The following RNF220 variants were observed in gnomAD, a reference collection of about 807,000 sequenced individuals.
RNF220 encodes ring finger protein 220, also known as E3 ubiquitin-protein ligase RNF220.
RNF220 carries 7 observed loss-of-function variants against 67.1 expected under a neutral mutation model. The ratio of observed to expected loss-of-function variants is 0.10; its 90% CI spans 0.06 to 0.20. RNF220 has a LOEUF of 0.20. RNF220 is among the 10% of genes least tolerant of loss of function. RNF220 has a pLI of 1.00. For missense variants in RNF220, 565 were observed against 740.3 expected (o/e 0.76, Z 2.75); for synonymous variants, 270 against 283.2 (o/e 0.95, Z 0.47).
At chr1:44,595,600 C>T (rs1666423855) in intron 2 of RNF220, among the ~76,000 whole-genome samples, 1 of 152,126 alleles carries the variant, frequency 6.6e-6, no homozygotes, top group Non-Finnish European at 1.5e-5. Flanking sequence ...CCCTGGCATT[C>T]TCTCCAGACT....
In RNF220 at chr1:44,645,121, A is replaced by G; in HGVS notation, c.1310+40A>G. 3 of 1,613,330 alleles carry G rather than the reference A, an allele frequency of 1.9e-6. No homozygotes were observed. Among genetic ancestry groups the G allele is most frequent in the Non-Finnish European group, 2.5e-6 (3 of 1,179,318 alleles). On this transcript the variant is annotated intron_variant, in intron 10 of 14. Coordinates refer to ENST00000361799, the MANE Select transcript of RNF220 (RefSeq NM_018150.4). This position sits in a 1 kb window ranked among gnomAD's most constrained non-coding sequence, Gnocchi z 5.0. ...AGGCTTGGGCGGGTGGAGCAGAGAA[A>G]CAGGAAGCCCTGAGGCAGGGGTTAA...
intron 2 of RNF220, among the ~76,000 whole-genome samples, chr1:44,517,150 G>A (rs911304409): frequency 4.6e-5 from 7 of 152,104 alleles, no homozygotes; most frequent in African/African-American, 1.7e-4. Flanking sequence ...CTCTGTCACT[G>A]CTGGAACTGT....
At chr1:44,437,521 A>G (rs1157729106) in intron 2 of RNF220, among the ~76,000 whole-genome samples, 1 of 152,136 alleles carries the variant, frequency 6.6e-6, no homozygotes, top group Non-Finnish European at 1.5e-5. Flanking sequence ...AGCTGTTAAT[A>G]TGAGTCTGTC....
intron 8 of RNF220, among the ~76,000 whole-genome samples, chr1:44,638,974 T>C (rs1040817593): frequency 2.0e-5 from 3 of 152,246 alleles, no homozygotes; most frequent in South Asian, 4.1e-4. Context: ...AGTTGTTGAT[T>C]GTCCTTTCAG....
Position 44,412,529 on chromosome 1 carries a change from C to A in RNF220, c.432C>A (p.Asn144Lys). ...TTACGCCGGCCAAGCGACTTAAGAA[C>A]TGCCATGACACAGAGTCTCCCCACT... ...SAFTPAKRLK[N>K]CHDTESPHLR... is the part of the protein sequence containing the mutation. The change falls in exon 2 of 15, where the codon AAC becomes AAA. Residue 144 changes from asparagine to lysine, a missense_variant. Asn to Lys is a moderately conservative substitution (Grantham distance 94). Transcript: ENST00000361799. The surrounding 1 kb of genome is among the most constrained non-coding windows in gnomAD (Gnocchi z 5.3). The A allele has an allele frequency of 6.2e-7, 1 of 1,614,122 alleles. No individual in the cohort carries two copies. Among genetic ancestry groups the A allele is most frequent in the South Asian group, 1.1e-5 (1 of 91,074 alleles).
chr1:44,616,290 A>G (rs1190064447), intron 3 of RNF220, among the ~76,000 whole-genome samples: 2 of 152,196 alleles, frequency 1.3e-5, no homozygotes, highest in African/African-American at 4.8e-5. Flanking sequence ...AGCTCTACCC[A>G]TTGAAGGGAG....
intron 2 of RNF220, among the ~76,000 whole-genome samples, chr1:44,476,375 G>A (rs1655299034): frequency 6.6e-6 from 1 of 152,160 alleles, no homozygotes; most frequent in Non-Finnish European, 1.5e-5. Flanking sequence ...CTTGAAGAAG[G>A]AAAAGAAAAT....
intron 2 of RNF220, among the ~76,000 whole-genome samples, chr1:44,578,936 C>T (rs561037954): frequency 1.3e-3 from 193 of 152,092 alleles, no homozygotes; most frequent in Non-Finnish European, 1.7e-3. Context: ...GAGGCCGAGG[C>T]GGGTGGATCA....
At chr1:44,511,940 T>TGTGTGTGC (rs984475713) in intron 2 of RNF220, among the ~76,000 whole-genome samples, 5 of 152,214 alleles carry the variant, frequency 3.3e-5, no homozygotes, top group African/African-American at 1.2e-4. Flanking sequence ...TGTGTGTGTG[T>TGTGTGTGC]GTGTGTGTAA....
At chr1:44,409,415 A>T (rs1647747316) in intron 1 of RNF220, among the ~76,000 whole-genome samples, 1 of 152,210 alleles carries the variant, frequency 6.6e-6, no homozygotes, top group Non-Finnish European at 1.5e-5. Context: ...AAAGTAGCTG[A>T]TGATTTATTT....
At chr1:44,614,519 C>T (rs1160337279) in intron 3 of RNF220, among the ~76,000 whole-genome samples, 5 of 152,164 alleles carry the variant, frequency 3.3e-5, no homozygotes, top group African/African-American at 1.2e-4. Context: ...AGAGTGACCC[C>T]GCAGGCCCCA....
chr1:44,503,561 A>G (rs976769191), intron 2 of RNF220, among the ~76,000 whole-genome samples: 1 of 151,982 alleles, frequency 6.6e-6, no homozygotes, highest in Non-Finnish European at 1.5e-5. Context: ...TGTCCATCTG[A>G]TTTGCAGCCA....
chr1:44,450,337 T>G (rs1018714028), intron 2 of RNF220, among the ~76,000 whole-genome samples: 1 of 151,972 alleles, frequency 6.6e-6, no homozygotes, highest in Non-Finnish European at 1.5e-5. Flanking sequence ...TTGAAATGTA[T>G]AGGTAAAACA....
intron 2 of RNF220, chr1:44,423,955 G>C: frequency 1.0e-6 from 1 of 985,388 alleles, no homozygotes; most frequent in Non-Finnish European, 1.2e-6. Flanking sequence ...CTTCCAGGCG[G>C]GGCCTCTGTA....
rs1034858132 is a variant in RNF220, at chr1:44,587,347, A to G, written c.626-26818A>G. On this transcript the variant is annotated intron_variant, in intron 2 of 14. Transcript: ENST00000361799. ...ATTTTTAGTGAAGACAGGTTTCACC[A>G]TGTTGGCCAGGCTGGTCTCAAACTC... 2.6e-5 allele frequency among the ~76,000 whole-genome samples: 4 copies of G among 151,760 alleles called. 1 individual carries two copies. Among genetic ancestry groups the G allele is most frequent in the Admixed American group, 1.3e-4 (2 of 15,244 alleles).
rs12131249 is a variant in RNF220 at position 44,412,792 on chromosome 1, G to A, written c.625+70G>A. 187,596 of 1,538,016 alleles carry A rather than the reference G, an allele frequency of 0.12. 12,970 individuals carry two copies. Among genetic ancestry groups the A allele is most frequent in the Non-Finnish European group, 0.14 (161,819 of 1,138,768 alleles). ...GCCTCACCGTGATGTTCAACAGGTCGGTGGCGTTTTGCATGCTCCTAGTAA... is the reference window on the plus strand; with the variant it reads ...GCCTCACCGTGATGTTCAACAGGTCAGTGGCGTTTTGCATGCTCCTAGTAA... On this transcript the variant is annotated intron_variant, in intron 2 of 14. Transcript: ENST00000361799. The surrounding 1 kb of genome is among the most constrained non-coding windows in gnomAD (Gnocchi z 5.3).
chr1:44,447,873 C>A (rs898654500), intron 2 of RNF220, among the ~76,000 whole-genome samples: 7 of 152,162 alleles, frequency 4.6e-5, no homozygotes, highest in Admixed American at 4.6e-4. Flanking sequence ...TGTTCTAATC[C>A]TATTTCTAAG....
intron 2 of RNF220, among the ~76,000 whole-genome samples, chr1:44,548,873 C>T (rs1400004890): frequency 1.3e-5 from 2 of 152,136 alleles, no homozygotes; most frequent in East Asian, 3.9e-4. Context: ...TTCTAGTAAG[C>T]AACTACTGTA....
intron 5 of RNF220, 115 bp downstream of exon 5, chr1:44,626,513 TG>T: frequency 1.2e-6 from 1 of 800,814 alleles, no homozygotes; most frequent in Admixed American, 2.1e-5. Flanking sequence ...AGGCCTGAAC[TG>T]GGTTTGGTTC....
Sources: allele counts gnomAD v4.1 joint callset (sites outside exome capture counted in the v4.1 genomes callset), GRCh38; gene constraint gnomAD v4.1.1; non-coding constraint Gnocchi (gnomAD v3.1); transcripts MANE v1.5; gene names NCBI Gene and HGNC (gene_info 2026-07-23, HGNC 2026-07-21).